Variants in HTR2C observed in about 807,000 individuals in gnomAD.
HTR2C encodes 5-hydroxytryptamine receptor 2C, also known as 5-hydroxytryptamine (serotonin) receptor 2C, G protein-coupled.
HTR2C carries 5 observed loss-of-function variants against 21.0 expected under a neutral mutation model. The ratio of observed to expected loss-of-function variants is 0.24; its 90% CI spans 0.12 to 0.50. The LOEUF (loss-of-function observed/expected upper bound fraction) is 0.50, where lower values mean the gene tolerates loss of function less well. HTR2C is among the 20% of genes least tolerant of loss of function. The probability of loss-of-function intolerance (pLI) is 0.98; values close to 1 mark genes in which losing one functional copy is unlikely to be tolerated. For synonymous variants in HTR2C, 150 were observed against 145.3 expected (o/e 1.03, Z -0.23); for missense variants, 271 against 371.2 (o/e 0.73, Z 2.22).
intron 2 of HTR2C, among the ~76,000 whole-genome samples, chrX:114,704,339 C>T (rs1932687564): frequency 9.0e-6 from 1 of 111,314 alleles, no homozygotes; most frequent in South Asian, 3.8e-4. Flanking sequence ...AATCCAGCAG[C>T]ACATCAAAAA....
intron 2 of HTR2C, among the ~76,000 whole-genome samples, chrX:114,700,293 A>G (rs782046542): frequency 3.3e-4 from 37 of 111,741 alleles, no homozygotes; most frequent in Non-Finnish European, 5.8e-4. Flanking sequence ...AAATCATTAT[A>G]TCATGTTCTA....
chrX:114,869,411 C>T (rs1025969975), intron 5 of HTR2C, among the ~76,000 whole-genome samples: 1 of 111,708 alleles, frequency 9.0e-6, no homozygotes, highest in Non-Finnish European at 1.9e-5. Flanking sequence ...TTTGAGGAAT[C>T]GCCTATGTGT....
At chrX:114,805,342 C>T (rs1295336576) in intron 4 of HTR2C, among the ~76,000 whole-genome samples, 1 of 107,779 alleles carries the variant, frequency 9.3e-6, no homozygotes, top group Non-Finnish European at 1.9e-5. Flanking sequence ...AGAACTGAGG[C>T]CCTTCTCTTG....
chrX:114,877,046 C>T (rs1342266960), intron 5 of HTR2C, among the ~76,000 whole-genome samples: 1 of 111,134 alleles, frequency 9.0e-6, no homozygotes, highest in Non-Finnish European at 1.9e-5. Flanking sequence ...AAATGTTTGG[C>T]AGAACTCACC....
At chrX:114,867,126 T>A (rs1421442911) in intron 5 of HTR2C, among the ~76,000 whole-genome samples, 1 of 111,936 alleles carries the variant, frequency 8.9e-6, no homozygotes, top group East Asian at 2.8e-4. Context: ...ACCAACAGTG[T>A]TATGAGGGTT....
chrX:114,599,194 C>T (rs6643886), intron 1 of HTR2C, among the ~76,000 whole-genome samples: 3,664 of 110,299 alleles, frequency 0.033, 152 homozygotes, highest in African/African-American at 0.11. Flanking sequence ...AAAATTATGA[C>T]TTGTTCTTAC....
chrX:114,741,425 A>G (rs1367516869), intron 4 of HTR2C, among the ~76,000 whole-genome samples: 1 of 101,709 alleles, frequency 9.8e-6, no homozygotes, highest in Middle Eastern at 4.5e-3. Flanking sequence ...AGACTGAGGC[A>G]GAATTGCTTG....
intron 4 of HTR2C, among the ~76,000 whole-genome samples, chrX:114,768,590 T>C (rs1556436018): frequency 9.0e-6 from 1 of 111,076 alleles, no homozygotes; most frequent in African/African-American, 3.3e-5. Flanking sequence ...AGCTTCTTGT[T>C]ATTTAAGTGG....
At chrX:114,879,675 C>T (rs1260342320) in intron 5 of HTR2C, among the ~76,000 whole-genome samples, 4 of 110,663 alleles carry the variant, frequency 3.6e-5, no homozygotes, top group African/African-American at 1.3e-4. Context: ...CTGATAGCTT[C>T]GCTCATACAA....
rs1156746722 is a variant in HTR2C, at chrX:114,726,856, A to G, written c.-79-2A>G. On this transcript the variant is annotated splice_acceptor_variant, in intron 2 of 5. Coordinates refer to ENST00000276198, the MANE Select transcript of HTR2C (RefSeq NM_000868.4). LOFTEE classifies it low-confidence loss of function (5UTR_SPLICE). ...TTCTCTTTCTTCTTTTTCTCTCCCC[A>G]GAAAGGATGATATGATGAACCTAGC... 8.4e-6 allele frequency: 5 copies of G among 595,120 alleles called. No homozygotes were observed. The highest frequency in any genetic ancestry group is 4.8e-5 in the African/African-American group (2 of 42,014). The allele number at this position is 595,120 out of a possible 1,213,427, so 49.0% of individuals were successfully genotyped here. A position where few individuals can be genotyped will look rare whatever the true frequency, so the allele number is the denominator to read the frequency against.
chrX:114,779,471 T>G (rs17260593), intron 4 of HTR2C, among the ~76,000 whole-genome samples: 2,054 of 111,658 alleles, frequency 0.018, 50 homozygotes, highest in African/African-American at 0.064. Context: ...GTTTTCCATA[T>G]AGGTTGGTGC....
intron 4 of HTR2C, among the ~76,000 whole-genome samples, chrX:114,806,493 C>CATATATATACTGT (rs2070442817): frequency 1.8e-5 from 1 of 56,672 alleles, no homozygotes; most frequent in Non-Finnish European, 3.1e-5. Flanking sequence ...ATATATACAC[C>CATATATATACTGT]ATATATATAC....
chrX:114,694,765 A>T (rs1332858572), intron 2 of HTR2C, among the ~76,000 whole-genome samples: 1 of 110,888 alleles, frequency 9.0e-6, no homozygotes, highest in Non-Finnish European at 1.9e-5. Flanking sequence ...AAGTGCTGGG[A>T]TTACAGGCGT....
intron 5 of HTR2C, among the ~76,000 whole-genome samples, chrX:114,888,015 T>C (rs782417038): frequency 1.8e-5 from 2 of 110,525 alleles, no homozygotes; most frequent in East Asian, 5.7e-4. Flanking sequence ...CTCTAAAAAA[T>C]AAATAAATAA....
rs781991880 is a variant in HTR2C, at chrX:114,727,801, C to T, written c.35+830C>T. ...CCTCTGCAGTGTGCATCACTGTGGC[C>T]CATCTTGAGTGTCATTGTTGTGATG... On this transcript the variant is annotated intron_variant, in intron 3 of 5. Coordinates refer to ENST00000276198, the MANE Select transcript of HTR2C (RefSeq NM_000868.4). 9.9e-5 allele frequency among the ~76,000 whole-genome samples: 11 copies of T among 111,489 alleles called. 1 individual carries two copies. The South Asian group carries it at 4.2e-3, about 42-fold the overall frequency.
In HTR2C at chrX:114,768,048, C is replaced by A. The variant is rs2069963448; in HGVS notation, c.349+36441C>A. On this transcript the variant is annotated intron_variant, in intron 4 of 5. Coordinates refer to ENST00000276198, the MANE Select transcript of HTR2C (RefSeq NM_000868.4). ...AATAGAAAATTACATAAAAGCTAAA[C>A]ATTGATAAGTTAATCATATACATAT... Among the ~76,000 whole-genome samples the A allele has an allele frequency of 2.7e-5, 3 of 111,259 alleles. No individual in the cohort carries two copies. In the Admixed American group the frequency reaches 2.9e-4, roughly 11 times the overall value.
chrX:114,872,344 C>T (rs981133265), intron 5 of HTR2C, among the ~76,000 whole-genome samples: 4 of 110,528 alleles, frequency 3.6e-5, no homozygotes, highest in African/African-American at 9.8e-5. Context: ...TTTTTGCTTA[C>T]TTTGGATTTA....
At chrX:114,633,440 TG>T (rs1289380766) in intron 2 of HTR2C, among the ~76,000 whole-genome samples, 1 of 111,658 alleles carries the variant, frequency 9.0e-6, no homozygotes, top group East Asian at 2.8e-4. Context: ...CTTGCCAGCT[TG>T]ATGTATCTGC....
intron 5 of HTR2C, among the ~76,000 whole-genome samples, chrX:114,866,333 T>C (rs1294558564): frequency 1.8e-5 from 2 of 109,750 alleles, no homozygotes; most frequent in Non-Finnish European, 3.8e-5. Context: ...TTTTATACTT[T>C]TAGCTGTAAT....
Sources: allele counts gnomAD v4.1 joint callset (sites outside exome capture counted in the v4.1 genomes callset), GRCh38; gene constraint gnomAD v4.1.1; transcripts MANE v1.5; gene names NCBI Gene and HGNC (gene_info 2026-07-23, HGNC 2026-07-21).